Variants in CSGALNACT1 observed in about 807,000 individuals in gnomAD.
The protein encoded by CSGALNACT1 is beta4GalNAcT-1.
In CSGALNACT1, 52 loss-of-function variants were observed where a neutral mutation model predicts 51.0. The observed-to-expected ratio is 1.02, with a 90% CI of 0.82 to 1.29. CSGALNACT1 has a LOEUF of 1.29. Ranked by LOEUF, CSGALNACT1 falls within the 50% of genes most tolerant of loss-of-function variation. The pLI is 0.00. For synonymous variants in CSGALNACT1, 341 were observed against 254.4 expected, an observed-to-expected ratio of 1.34 and a Z score of -3.24; for missense variants, 935 against 679.2, an observed-to-expected ratio of 1.38 and a Z score of -4.19.
intron 3 of CSGALNACT1, among the ~76,000 whole-genome samples, chr8:19,580,048 C>T (rs981055267): frequency 1.3e-5 from 2 of 152,154 alleles, no homozygotes; most frequent in Non-Finnish European, 2.9e-5. Context: ...GAAGTGAGAC[C>T]CTCCTTTCTA....
chr8:19,628,305 A>G (rs571034632), intron 1 of CSGALNACT1, among the ~76,000 whole-genome samples: 1 of 152,200 alleles, frequency 6.6e-6, no homozygotes, highest in East Asian at 1.9e-4. Flanking sequence ...TACATCTTAC[A>G]TGGTGGCAGG....
intron 5 of CSGALNACT1, among the ~76,000 whole-genome samples, chr8:19,440,133 G>T (rs1451257746): frequency 6.6e-6 from 1 of 152,142 alleles, no homozygotes; most frequent in African/African-American, 2.4e-5. Context: ...GGACAACAAG[G>T]AAATTTAAAC....
At position 19,437,975 on chromosome 8, in the gene CSGALNACT1, G is replaced by T. The variant is rs551261768; in HGVS notation, c.953+1855C>A. On this transcript the variant is annotated intron_variant, in intron 6 of 9. Coordinates refer to ENST00000454498, the Ensembl canonical transcript of CSGALNACT1. ...TATGGAGAAGAATGTATTGATAAAG[G>T]TATAGCCTTAAGCATTCCAGTCACT... 8.3e-4 allele frequency among the ~76,000 whole-genome samples: 126 copies of T among 152,292 alleles called. No individual in the cohort carries two copies. The South Asian group carries it at 0.025, about 30-fold the overall frequency.
At chr8:19,407,906 TGTGTGTG>T (rs576216114) in intron 9 of CSGALNACT1, among the ~76,000 whole-genome samples, 1,058 of 45,512 alleles carry the variant, frequency 0.023, 16 homozygotes, top group African/African-American at 0.1. Flanking sequence ...GTATATGAAT[TGTGTGTG>T]TGTGTGTGTG....
intron 3 of CSGALNACT1, among the ~76,000 whole-genome samples, chr8:19,581,560 T>C (rs1400584891): frequency 1.3e-5 from 2 of 152,090 alleles, no homozygotes; most frequent in Non-Finnish European, 2.9e-5. Flanking sequence ...TGAGCCGAGA[T>C]CGTGCCACTG....
intron 1 of CSGALNACT1, among the ~76,000 whole-genome samples, chr8:19,711,117 C>T (rs4922089): frequency 0.7 from 106,598 of 151,868 alleles, 37,958 homozygotes; most frequent in East Asian, 0.86. Flanking sequence ...CCAAAGGCAA[C>T]ATAGCTTTAG....
At chr8:19,658,728 T>C (rs1431465589) in intron 1 of CSGALNACT1, among the ~76,000 whole-genome samples, 1 of 152,070 alleles carries the variant, frequency 6.6e-6, no homozygotes, top group African/African-American at 2.4e-5. Flanking sequence ...AGCAAGGCCC[T>C]GTCTCAAAAC....
At chr8:19,499,975 G>A (rs1347846843) in intron 4 of CSGALNACT1, among the ~76,000 whole-genome samples, 2 of 152,136 alleles carry the variant, frequency 1.3e-5, no homozygotes, top group African/African-American at 4.8e-5. Context: ...ACAAAGTACA[G>A]CCTCAAGCCA....
chr8:19,539,734 C>G (rs1212913242), intron 3 of CSGALNACT1, among the ~76,000 whole-genome samples: 8 of 152,136 alleles, frequency 5.3e-5, no homozygotes, highest in African/African-American at 1.9e-4. Context: ...AAAATGGAAA[C>G]AAGTGACACT....
chr8:19,681,589 TAACA>T (rs1056078144), intron 1 of CSGALNACT1, among the ~76,000 whole-genome samples: 10 of 152,276 alleles, frequency 6.6e-5, no homozygotes, highest in African/African-American at 1.7e-4. Flanking sequence ...AATCTAAAAA[TAACA>T]AACAGACATT....
intron 6 of CSGALNACT1, among the ~76,000 whole-genome samples, chr8:19,420,860 G>A (rs909125659): frequency 6.6e-6 from 1 of 152,130 alleles, no homozygotes; most frequent in Non-Finnish European, 1.5e-5. Flanking sequence ...GAAAATCTTC[G>A]TGCATCCTGA....
At chr8:19,465,182 G>C (rs974999147) in intron 4 of CSGALNACT1, among the ~76,000 whole-genome samples, 1 of 152,124 alleles carries the variant, frequency 6.6e-6, no homozygotes, top group Non-Finnish European at 1.5e-5. Flanking sequence ...ATGGAAATTC[G>C]GATACATGCT....
intron 3 of CSGALNACT1, among the ~76,000 whole-genome samples, chr8:19,575,084 C>T (rs1379165001): frequency 6.6e-6 from 1 of 152,058 alleles, no homozygotes; most frequent in Non-Finnish European, 1.5e-5. Flanking sequence ...CGTTTTAGAG[C>T]TGTGGGACTG....
At chr8:19,728,112 C>T (rs1162797463) in intron 1 of CSGALNACT1, among the ~76,000 whole-genome samples, 2 of 152,122 alleles carry the variant, frequency 1.3e-5, no homozygotes, top group African/African-American at 4.8e-5. Context: ...CACTTACCAG[C>T]AGCATGACCT....
chr8:19,486,535 C>T (rs1027739591), intron 4 of CSGALNACT1, among the ~76,000 whole-genome samples: 3 of 152,098 alleles, frequency 2.0e-5, no homozygotes, highest in African/African-American at 4.8e-5. Flanking sequence ...CACTGCCCCT[C>T]GAAGCATTCC....
chr8:19,476,299 C>A (rs1028312137), intron 4 of CSGALNACT1, among the ~76,000 whole-genome samples: 1 of 152,118 alleles, frequency 6.6e-6, no homozygotes, highest in African/African-American at 2.4e-5. Context: ...AGTTCAATGG[C>A]AAGATCTCGG....
In CSGALNACT1 at chr8:19,553,561, T is replaced by G. The variant is rs371624977; in HGVS notation, c.-297+37599A>C. Among the ~76,000 whole-genome samples, 99 of 142,088 alleles carry G rather than the reference T, an allele frequency of 7.0e-4. No individual in the cohort carries two copies. In the East Asian group the frequency reaches 0.019, roughly 27 times the overall value. 93.2% of individuals were successfully genotyped at this position (142,088 alleles called of 152,430 possible). On this transcript the variant is annotated intron_variant, in intron 3 of 9. Transcript: ENST00000454498. Reference sequence around the variant, plus strand: ...TTTATATACAAAAAGCTTAAACCATTTATATACAAAAAGCTCAAACCATAT... The same window carrying G: ...TTTATATACAAAAAGCTTAAACCATGTATATACAAAAAGCTCAAACCATAT...
chr8:19,599,017 T>C (rs542062399), intron 2 of CSGALNACT1, among the ~76,000 whole-genome samples: 1 of 152,156 alleles, frequency 6.6e-6, no homozygotes, highest in South Asian at 2.1e-4. Flanking sequence ...GAAAGTATGC[T>C]AGGTAGAGAG....
At chr8:19,471,978 C>T (rs761846004) in intron 4 of CSGALNACT1, among the ~76,000 whole-genome samples, 2 of 152,140 alleles carry the variant, frequency 1.3e-5, no homozygotes, top group Admixed American at 1.3e-4. Flanking sequence ...CCTTCACTTC[C>T]TATTGTTGAA....
Sources: allele counts gnomAD v4.1 joint callset (sites outside exome capture counted in the v4.1 genomes callset), GRCh38; gene constraint gnomAD v4.1.1; transcripts MANE v1.5; gene names NCBI Gene and HGNC (gene_info 2026-07-23, HGNC 2026-07-21).